HMG20A: variants seen among roughly 807,000 people sequenced by gnomAD.
HMG20A encodes the protein high mobility group 20A.
Under a neutral mutation model 43.9 loss-of-function variants are expected in HMG20A, and 17 were observed. The observed-to-expected ratio is 0.39, with a 90% CI of 0.27 to 0.58. The LOEUF is 0.58. HMG20A is among the 20% of genes least tolerant of loss of function. HMG20A has a pLI of 0.59. For missense variants in HMG20A, 341 were observed against 438.2 expected (o/e 0.78, Z 1.98); for synonymous variants, 132 against 147.5 (o/e 0.89, Z 0.76).
intron 6 of HMG20A, among the ~76,000 whole-genome samples, chr15:77,473,776 CAT>C (rs1179644201): frequency 1.3e-5 from 2 of 151,134 alleles, no homozygotes; most frequent in African/African-American, 2.4e-5. Flanking sequence ...GGATTAGACA[CAT>C]GTTAAACCAA....
At chr15:77,438,095 T>G (rs1001384381) in intron 1 of HMG20A, among the ~76,000 whole-genome samples, 14 of 151,670 alleles carry the variant, frequency 9.2e-5, no homozygotes, top group African/African-American at 3.4e-4. Flanking sequence ...TAGCTTGGAC[T>G]GCAAGCTCAT....
chr15:77,507,955 C>T, the HMG20A span, among the ~76,000 whole-genome samples: 4 of 152,050 alleles, frequency 2.6e-5, no homozygotes, highest in Non-Finnish European at 5.9e-5. Context: ...GGGGGGCCCA[C>T]CCCAAGCACA....
chr15:77,495,858 A>C, the HMG20A span, among the ~76,000 whole-genome samples: 80 of 152,268 alleles, frequency 5.3e-4, no homozygotes, highest in Admixed American at 3.6e-3. Context: ...GATCTGCAGT[A>C]GGAAATGCTG....
chr15:77,445,571 A>T (rs2073663950), intron 1 of HMG20A, among the ~76,000 whole-genome samples: 2 of 151,486 alleles, frequency 1.3e-5, no homozygotes, highest in Admixed American at 1.3e-4. Context: ...AGCATTTGTG[A>T]TTTTTTTTTC....
At chr15:77,506,261 G>A in the HMG20A span, among the ~76,000 whole-genome samples, 17 of 152,132 alleles carry the variant, frequency 1.1e-4, no homozygotes, top group East Asian at 2.3e-3. Flanking sequence ...CAGCCAAGCC[G>A]TCTCTGGGAA....
chr15:77,489,136 A>T (rs770239814), downstream of HMG20A, among the ~76,000 whole-genome samples: 1 of 152,228 alleles, frequency 6.6e-6, no homozygotes, highest in Non-Finnish European at 1.5e-5. Context: ...AGTGCCTCTC[A>T]TAGAGTAGAA....
the HMG20A span, among the ~76,000 whole-genome samples, chr15:77,511,785 G>T: frequency 1.3e-5 from 2 of 152,160 alleles, no homozygotes; most frequent in African/African-American, 4.8e-5. Context: ...TGAGAAATTG[G>T]AACCCTTGGG....
At chr15:77,426,241 G>T (rs561445598) in intron 1 of HMG20A, among the ~76,000 whole-genome samples, 2 of 152,234 alleles carry the variant, frequency 1.3e-5, no homozygotes, top group Admixed American at 1.3e-4. Context: ...TGAACAATGA[G>T]GGGGTTCGGG....
intron 1 of HMG20A, among the ~76,000 whole-genome samples, chr15:77,455,051 T>C (rs529730068): frequency 6.6e-6 from 1 of 151,670 alleles, no homozygotes; most frequent in African/African-American, 2.4e-5. Context: ...CTTAGGGAAG[T>C]GGGGTTAGCA....
At chr15:77,432,036 G>T (rs188285680) in intron 1 of HMG20A, among the ~76,000 whole-genome samples, 1 of 152,212 alleles carries the variant, frequency 6.6e-6, no homozygotes, top group East Asian at 1.9e-4. Flanking sequence ...TCTGTTGATG[G>T]ATACTGAGGC....
At chr15:77,432,830 T>C (rs2073501691) in intron 1 of HMG20A, among the ~76,000 whole-genome samples, 1 of 145,166 alleles carries the variant, frequency 6.9e-6, no homozygotes, top group East Asian at 2.0e-4. Context: ...GCAATATTGA[T>C]AAAGAAAAAA....
chr15:77,492,111 AC>A, the HMG20A span, among the ~76,000 whole-genome samples: 1 of 152,260 alleles, frequency 6.6e-6, no homozygotes, highest in African/African-American at 2.4e-5. Flanking sequence ...AAATAAAATT[AC>A]AAAGGAAATC....
chr15:77,488,922 A>G (rs1483611648), downstream of HMG20A, among the ~76,000 whole-genome samples: 2 of 152,218 alleles, frequency 1.3e-5, no homozygotes, highest in Non-Finnish European at 2.9e-5. Flanking sequence ...AAGATAGTCA[A>G]TGACTGTTTT....
At chr15:77,491,286 T>A in the HMG20A span, among the ~76,000 whole-genome samples, 12 of 152,334 alleles carry the variant, frequency 7.9e-5, no homozygotes, top group African/African-American at 2.9e-4. Flanking sequence ...CTGTGAGGGG[T>A]GCTTTTGCTA....
At chr15:77,450,563 G>A (rs1007156097) in intron 1 of HMG20A, among the ~76,000 whole-genome samples, 16 of 152,180 alleles carry the variant, frequency 1.1e-4, no homozygotes, top group African/African-American at 3.9e-4. Flanking sequence ...GAATTCATGT[G>A]CTACCAATAA....
chr15:77,512,421 A>G, the HMG20A span, among the ~76,000 whole-genome samples: 60 of 151,118 alleles, frequency 4.0e-4, no homozygotes, highest in African/African-American at 1.4e-3. Context: ...TTTTACCACA[A>G]TTTAAAAAAT....
chr15:77,467,169 A>G lies in HMG20A; in HGVS notation c.312A>G (p.Lys104=). The G allele has an allele frequency of 6.2e-7, 1 of 1,614,074 alleles. No homozygotes were observed. The highest frequency in any genetic ancestry group is 1.1e-5 in the South Asian group (1 of 91,076). Reference sequence around the variant, plus strand: ...CTCTTCGAGACAGCAATGCACCCAAATCCCCCCTTACAGGATATGTTCGGT... The same window carrying G: ...CTCTTCGAGACAGCAATGCACCCAAGTCCCCCCTTACAGGATATGTTCGGT... ...KKPLRDSNAP[K]SPLTGYVRFM... is the part of the protein sequence containing the mutation. The change falls in exon 4 of 10, where the codon AAA becomes AAG. Residue 104 remains lysine (K), a synonymous_variant. Coordinates refer to ENST00000336216, the MANE Select transcript of HMG20A (RefSeq NM_001304504.2).
intron 2 of HMG20A, 110 bp from the exon 3 acceptor site, chr15:77,464,130 G>C: frequency 8.6e-7 from 1 of 1,168,338 alleles, no homozygotes; most frequent in Admixed American, 2.1e-5. Flanking sequence ...AGATTATTGG[G>C]GGAATTAATT....
At chr15:77,486,359 C>T (rs977795534), downstream of HMG20A, among the ~76,000 whole-genome samples, 1 of 148,484 alleles carries the variant, frequency 6.7e-6, no homozygotes, top group Non-Finnish European at 1.5e-5. Flanking sequence ...CTTCCAGTTT[C>T]AAGCGATTCT....
Sources: allele counts gnomAD v4.1 joint callset (sites outside exome capture counted in the v4.1 genomes callset), GRCh38; gene constraint gnomAD v4.1.1; transcripts MANE v1.5; gene names NCBI Gene and HGNC (gene_info 2026-07-23, HGNC 2026-07-21).